The following CLDN14 variants were observed in gnomAD, a reference collection of about 807,000 sequenced individuals.
CLDN14 encodes the protein claudin 14.
Under a neutral mutation model 2.1 loss-of-function variants are expected in CLDN14, and 2 were observed. The ratio of observed to expected loss-of-function variants is 0.96; its 90% CI spans 0.39 to 3.01. The LOEUF is 3.01. CLDN14 is among the 30% of genes most tolerant of loss of function. The probability of loss-of-function intolerance (pLI) is 0.09; values close to 1 mark genes in which losing one functional copy is unlikely to be tolerated. For synonymous variants in CLDN14, 136 were observed against 154.4 expected, an observed-to-expected ratio of 0.88 and a Z score of 0.88; for missense variants, 298 against 328.0, an observed-to-expected ratio of 0.91 and a Z score of 0.71.
Position 36,515,396 on chromosome 21 carries a change from G to GAA in CLDN14, c.-219-4897_-219-4896insTT, listed in dbSNP as rs1312345097. The stretch of plus-strand genomic sequence containing the variant: ...CCTTAAAAAAGTAATGAAGTGGCCG[G>GAA]GCCTGGTGGCTCACACCTGTAATCC... On this transcript the variant is annotated intron_variant, in intron 1 of 2. Transcript: ENST00000342108. Among the ~76,000 whole-genome samples, 13 of 152,200 alleles carry GAA rather than the reference G, an allele frequency of 8.5e-5. No homozygotes were observed. The South Asian group carries it at 2.7e-3, about 32-fold the overall frequency.
rs58458004 is a variant in CLDN14, at chr21:36,501,332, C to CTTTTTTTTTTTTTTTTTTTT, written c.-82+9011_-82+9030dup. ...AATGGGAGTTTCAGTCAATATCTCA[C>CTTTTTTTTTTTTTTTTTTTT]TTTTTTTTTTTTTTTTTTTTTTTTT... On this transcript the variant is annotated intron_variant, in intron 2 of 2. Coordinates refer to the CLDN14 transcript ENST00000342108. Among the ~76,000 whole-genome samples, 15 of 48,446 alleles carry CTTTTTTTTTTTTTTTTTTTT rather than the reference C, an allele frequency of 3.1e-4. 5 individuals are homozygous for CTTTTTTTTTTTTTTTTTTTT. The highest frequency in any genetic ancestry group is 4.7e-4 in the Non-Finnish European group (11 of 23,302). The allele number at this position is 48,446 out of a possible 152,430, so 31.8% of individuals were successfully genotyped here.
At chr21:36,567,272 T>C (rs1373200481) in intron 1 of CLDN14, among the ~76,000 whole-genome samples, 1 of 152,212 alleles carries the variant, frequency 6.6e-6, no homozygotes, top group African/African-American at 2.4e-5. Flanking sequence ...TTTTCCTGTA[T>C]TTGTTTTGCA....
chr21:36,557,184 C>T (rs2087604679), intron 1 of CLDN14, among the ~76,000 whole-genome samples: 1 of 152,108 alleles, frequency 6.6e-6, no homozygotes, highest in African/African-American at 2.4e-5. Flanking sequence ...TTTATCCATT[C>T]ATCTGTCAGT....
At chr21:36,546,314 G>A (rs1376984438) in intron 1 of CLDN14, among the ~76,000 whole-genome samples, 2 of 152,152 alleles carry the variant, frequency 1.3e-5, no homozygotes, top group African/African-American at 4.8e-5. Context: ...AGCTGTCAGT[G>A]TCAAAGCGTC....
At chr21:36,540,709 G>T (rs1326881158) in intron 1 of CLDN14, among the ~76,000 whole-genome samples, 2 of 152,190 alleles carry the variant, frequency 1.3e-5, no homozygotes, top group Non-Finnish European at 1.5e-5. Context: ...GTACCTAAGA[G>T]TGGTGAATTC....
At chr21:36,526,030 A>G (rs920538272) in intron 1 of CLDN14, among the ~76,000 whole-genome samples, 6 of 152,258 alleles carry the variant, frequency 3.9e-5, no homozygotes, top group African/African-American at 1.4e-4. Flanking sequence ...TCTCCAGCTC[A>G]GAGATATCCC....
At chr21:36,518,565 C>A (rs777342357) in intron 1 of CLDN14, among the ~76,000 whole-genome samples, 3 of 151,764 alleles carry the variant, frequency 2.0e-5, no homozygotes, top group Non-Finnish European at 4.4e-5. Flanking sequence ...TGCCACTGAA[C>A]TCCAGCCTGG....
chr21:36,567,672 A>G (rs1205714729), intron 1 of CLDN14, among the ~76,000 whole-genome samples: 1 of 152,136 alleles, frequency 6.6e-6, no homozygotes, highest in Non-Finnish European at 1.5e-5. Context: ...TCGTCTCTAG[A>G]CCCATATACA....
At chr21:36,462,937 A>G (rs960779520) in intron 1 of CLDN14, among the ~76,000 whole-genome samples, 1 of 131,478 alleles carries the variant, frequency 7.6e-6, no homozygotes, top group Non-Finnish European at 1.6e-5. Context: ...AAACAAGCAA[A>G]CAAACAAAAA....
At chr21:36,552,272 GAAATA>G (rs2087568268) in intron 1 of CLDN14, among the ~76,000 whole-genome samples, 1 of 152,194 alleles carries the variant, frequency 6.6e-6, no homozygotes, top group Non-Finnish European at 1.5e-5. Flanking sequence ...TAAAAAAATG[GAAATA>G]AAATGAGAAT....
intron 1 of CLDN14, among the ~76,000 whole-genome samples, chr21:36,536,945 C>G (rs1370423813): frequency 6.6e-6 from 1 of 152,176 alleles, no homozygotes; most frequent in African/African-American, 2.4e-5. Context: ...AATCCCAGCA[C>G]TTTGGGAGGC....
intron 1 of CLDN14, among the ~76,000 whole-genome samples, chr21:36,465,405 T>C (rs1399427488): frequency 3.9e-5 from 6 of 152,222 alleles, no homozygotes; most frequent in Admixed American, 1.3e-4. Context: ...TTTAAACGTG[T>C]GCTATAAGGA....
chr21:36,509,530 C>T (rs74476377), intron 2 of CLDN14, among the ~76,000 whole-genome samples: 6,824 of 152,174 alleles, frequency 0.045, 507 homozygotes, highest in African/African-American at 0.15. Context: ...GGAGTGCTGC[C>T]AGTTCCATAC....
chr21:36,509,060 A>G (rs2087159825), intron 2 of CLDN14, among the ~76,000 whole-genome samples: 1 of 152,170 alleles, frequency 6.6e-6, no homozygotes, highest in Admixed American at 6.5e-5. Context: ...CCTCTAGGTA[A>G]ATATTGAAAG....
intron 2 of CLDN14, among the ~76,000 whole-genome samples, chr21:36,500,960 G>A (rs919917534): frequency 6.6e-5 from 10 of 152,184 alleles, no homozygotes; most frequent in Non-Finnish European, 1.2e-4. Context: ...TGATTAGATC[G>A]CATTTAATGA....
Position 36,499,300 on chromosome 21 carries a change from A to G in CLDN14, c.-82+11063T>C, listed in dbSNP as rs1184682270. 2.6e-5 allele frequency among the ~76,000 whole-genome samples: 4 copies of G among 152,124 alleles called. No individual in the cohort carries two copies. Among genetic ancestry groups the G allele is most frequent in the Admixed American group, 6.5e-5 (1 of 15,268 alleles). ...GGTCTTACTCTGTCGCCCAGGCTGG[A>G]GTGCAGTGGTGTGATCTCAGCTCGC... On this transcript the variant is annotated intron_variant, in intron 2 of 2. Transcript: ENST00000342108. This position sits in a 1 kb window ranked among gnomAD's most constrained non-coding sequence, Gnocchi z 4.7.
chr21:36,475,649 C>G (rs1337220269), intron 1 of CLDN14, among the ~76,000 whole-genome samples: 1 of 152,214 alleles, frequency 6.6e-6, no homozygotes, highest in Non-Finnish European at 1.5e-5. Flanking sequence ...CTCCTGAGCT[C>G]AAGTGATCCT....
At chr21:36,538,616 G>A (rs935432191) in intron 1 of CLDN14, among the ~76,000 whole-genome samples, 2 of 121,438 alleles carry the variant, frequency 1.6e-5, no homozygotes, top group African/African-American at 5.1e-5. Context: ...TCGTCTCAAA[G>A]GAAAAAAAGA....
At chr21:36,516,044 T>C (rs541764693) in intron 1 of CLDN14, among the ~76,000 whole-genome samples, 1 of 152,160 alleles carries the variant, frequency 6.6e-6, no homozygotes, top group South Asian at 2.1e-4. Flanking sequence ...TGCCTCGGCC[T>C]CCCAAAGTGC....
Sources: gnomAD v4.1 joint callset for allele counts (sites outside exome capture counted in the v4.1 genomes callset) on GRCh38, gnomAD v4.1.1 for gene constraint, Gnocchi (gnomAD v3.1) non-coding constraint, MANE v1.5 for transcripts, NCBI Gene and HGNC (gene_info 2026-07-23, HGNC 2026-07-21) for gene names.